The following CLCA2 variants were observed in gnomAD, a reference collection of about 807,000 sequenced individuals.
The protein encoded by CLCA2 is calcium-activated chloride channel regulator 2.
In CLCA2, 85 loss-of-function variants were observed where a neutral mutation model predicts 82.9. That is an observed-to-expected ratio of 1.03 (90% confidence interval 0.86 to 1.23). The LOEUF is 1.23. Among genes scored for constraint, CLCA2 ranks in the 50% most tolerant of loss-of-function variants. The pLI, the probability that CLCA2 is intolerant of heterozygous loss-of-function variation, is 0.00. For missense variants in CLCA2, 1,089 were observed against 1,124.8 expected, an observed-to-expected ratio of 0.97 and a Z score of 0.45; for synonymous variants, 421 against 391.7, an observed-to-expected ratio of 1.07 and a Z score of -0.88.
intron 10 of CLCA2, among the ~76,000 whole-genome samples, chr1:86,446,869 C>A (rs1434090877): frequency 3.3e-5 from 5 of 152,162 alleles, no homozygotes; most frequent in South Asian, 2.1e-4. Context: ...TTTTCCCAGG[C>A]AGATAGGCAA....
intron 4 of CLCA2, among the ~76,000 whole-genome samples, chr1:86,431,322 CAT>C (rs1662495641): frequency 6.6e-6 from 1 of 152,218 alleles, no homozygotes; most frequent in African/African-American, 2.4e-5. Context: ...TGAATAGAAA[CAT>C]ATGTTTTTCC....
At chr1:86,427,451 T>A (rs1466249610) in intron 2 of CLCA2, among the ~76,000 whole-genome samples, 3 of 151,634 alleles carry the variant, frequency 2.0e-5, no homozygotes, top group African/African-American at 7.3e-5. Context: ...TTGAAAAAAA[T>A]TAAATAATGT....
intron 2 of CLCA2, among the ~76,000 whole-genome samples, chr1:86,428,017 G>A (rs1420256460): frequency 6.6e-6 from 1 of 152,152 alleles, no homozygotes; most frequent in Non-Finnish European, 1.5e-5. Flanking sequence ...GGTTCTGAAC[G>A]ATGTATAAAT....
intron 2 of CLCA2, among the ~76,000 whole-genome samples, chr1:86,427,224 A>T (rs568601332): frequency 1.3e-5 from 2 of 152,116 alleles, no homozygotes; most frequent in South Asian, 4.1e-4. Flanking sequence ...AGTAACCCCA[A>T]ACAGCCTCTG....
At chr1:86,425,963 GT>G (rs1426381798) in intron 2 of CLCA2, among the ~76,000 whole-genome samples, 1 of 152,084 alleles carries the variant, frequency 6.6e-6, no homozygotes, top group Non-Finnish European at 1.5e-5. Context: ...CCAGAATATT[GT>G]TTTAGGGGAA....
chr1:86,424,632 G>C (rs1048491055), intron 1 of CLCA2, among the ~76,000 whole-genome samples, 199 bp downstream of exon 1: 3 of 152,022 alleles, frequency 2.0e-5, no homozygotes, highest in Non-Finnish European at 4.4e-5. Context: ...AGCTCACAGA[G>C]TGTTGATCTA....
At chr1:86,445,345 C>T (rs1387271122) in intron 10 of CLCA2, 1 of 147,086 alleles carries the variant, frequency 6.8e-6, no homozygotes, top group Non-Finnish European at 1.5e-5. Flanking sequence ...GAATAAAATC[C>T]AAGTGTTAAC....
chr1:86,444,637 T>C (rs1307299064), intron 10 of CLCA2, among the ~76,000 whole-genome samples: 1 of 152,122 alleles, frequency 6.6e-6, no homozygotes, highest in African/African-American at 2.4e-5. Flanking sequence ...AGTAGTTCAA[T>C]AGAGTAGGGT....
At chr1:86,453,673 A>G (rs1231770252) in intron 13 of CLCA2, 71 bp downstream of exon 13, 2 of 1,290,756 alleles carry the variant, frequency 1.5e-6, no homozygotes, top group Non-Finnish European at 2.2e-6. Context: ...AGGGGCTAGT[A>G]GAACTGAAAA....
Position 86,434,692 on chromosome 1 carries a change from G to T in CLCA2, c.919G>T (p.Ala307Ser). The part of the protein sequence containing the change: ...PPPPTFSLVQ[A>S]GDKVVCLVLD... ...TCCTCCCACATTCTCGCTTGTACAG[G>T]CTGGTGACAAAGTGGTCTGTTTAGT... Residue 307 changes from alanine (A) to serine (S), a missense_variant, in exon 6 of 14, where the codon GCT becomes TCT. Ala to Ser is a moderately conservative substitution (Grantham distance 99). Coordinates refer to ENST00000370565, the MANE Select transcript of CLCA2 (RefSeq NM_006536.7). 1 of 1,614,124 alleles carries T rather than the reference G, an allele frequency of 6.2e-7. No individual in the cohort carries two copies.
rs1250019677 is a variant in CLCA2 at position 86,430,930 on chromosome 1, C to A, written c.544C>A (p.Pro182Thr). 3 of 1,613,072 alleles carry A rather than the reference C, an allele frequency of 1.9e-6. No homozygotes were observed. The highest frequency in any genetic ancestry group is 1.1e-5 in the South Asian group (1 of 90,954). The change falls in exon 4 of 14, where the codon CCT becomes ACT. Residue 182 changes from proline to threonine, a missense_variant. Transcript: ENST00000370565. ...GTTCGATGAGTATAACAATGACAAA[C>A]CTTTCTACATAAATGGGCAAAATCA... is the stretch of plus-strand genomic sequence containing the variant. Reference protein sequence around the residue: ...GVFDEYNNDKPFYINGQNQIK... With the variant: ...GVFDEYNNDKTFYINGQNQIK...
rs1662732982 is a variant in CLCA2 at position 86,441,340 on chromosome 1, C to T, written c.1382-97C>T. On this transcript the variant is annotated intron_variant, in intron 8 of 13. Coordinates refer to ENST00000370565, the MANE Select transcript of CLCA2 (RefSeq NM_006536.7). ...AGCTCCCATTTCCCCAAAACAAACA[C>T]TCTAATGCAAAGAAAGCTTGTTGGA... 13 of 718,296 alleles carry T rather than the reference C, an allele frequency of 1.8e-5. No individual in the cohort carries two copies. In the East Asian group the frequency reaches 3.1e-4, roughly 17 times the overall value. The allele number at this position is 718,296 out of a possible 1,614,324, so 44.5% of individuals were successfully genotyped here. A position where few individuals can be genotyped will look rare whatever the true frequency, so the allele number is the denominator to read the frequency against.
intron 2 of CLCA2, among the ~76,000 whole-genome samples, chr1:86,425,698 C>A (rs1036271934): frequency 6.6e-6 from 1 of 152,156 alleles, no homozygotes. Context: ...TAAGTAGTTT[C>A]TCAGAAGATC....
At chr1:86,450,912 G>A (rs576567312) in intron 12 of CLCA2, among the ~76,000 whole-genome samples, 179 bp downstream of exon 12, 72 of 152,208 alleles carry the variant, frequency 4.7e-4, no homozygotes, top group African/African-American at 1.7e-3. Flanking sequence ...CATGGTAGGG[G>A]GGTAACAGGA....
At position 86,455,431 on chromosome 1, in the gene CLCA2, G is replaced by C; in HGVS notation, c.2736G>C (p.Leu912Phe). ...AAGGAGTTTTAACAGCAATGGGTTT[G>C]ATAGGAATCATTTGCCTTATTATAG... ...ILKGVLTAMG[L>F]IGIICLIIVV... Residue 912 changes from leucine to phenylalanine, a missense_variant, in exon 14 of 14, where the codon TTG becomes TTC. By Grantham distance (22) the Leu-to-Phe change is conservative. Transcript: ENST00000370565. 1.3e-6 allele frequency: 2 copies of C among 1,599,362 alleles called. No individual in the cohort carries two copies. Among genetic ancestry groups the C allele is most frequent in the Non-Finnish European group, 1.7e-6 (2 of 1,174,538 alleles).
intron 3 of CLCA2, 130 bp from the exon 4 acceptor site, chr1:86,430,731 AG>A: frequency 2.9e-6 from 2 of 700,294 alleles, no homozygotes; most frequent in South Asian, 3.4e-5. Context: ...AAGGGGAGAG[AG>A]GGAAGTAACT....
At chr1:86,426,305 C>G (rs1205658070) in intron 2 of CLCA2, among the ~76,000 whole-genome samples, 2 of 152,104 alleles carry the variant, frequency 1.3e-5, no homozygotes, top group South Asian at 4.1e-4. Flanking sequence ...ACATCTCTAA[C>G]AGAATGACTC....
intron 10 of CLCA2, among the ~76,000 whole-genome samples, chr1:86,445,969 CA>C (rs1236104608): frequency 6.6e-5 from 10 of 152,056 alleles, no homozygotes; most frequent in Admixed American, 5.9e-4. Context: ...GCAGAAAACC[CA>C]AAAGGTATTT....
chr1:86,427,748 T>A (rs1424679053), intron 2 of CLCA2, among the ~76,000 whole-genome samples: 1 of 152,178 alleles, frequency 6.6e-6, no homozygotes, highest in Non-Finnish European at 1.5e-5. Flanking sequence ...ATGTTATATA[T>A]AACATTTTCT....
Sources: allele counts gnomAD v4.1 joint callset (sites outside exome capture counted in the v4.1 genomes callset), GRCh38; gene constraint gnomAD v4.1.1; transcripts MANE v1.5; gene names NCBI Gene and HGNC (gene_info 2026-07-23, HGNC 2026-07-21).